PIK3AP1: variants seen among roughly 807,000 people sequenced by gnomAD.
PIK3AP1 encodes the protein phosphoinositide-3-kinase adaptor protein 1, also known as phosphoinositide 3-kinase adapter protein 1.
A neutral mutation model predicts 88.1 loss-of-function variants in PIK3AP1; 21 were observed. The observed-to-expected ratio is 0.24, with a 90% CI of 0.17 to 0.34. The LOEUF (loss-of-function observed/expected upper bound fraction) is 0.34. Among genes scored for constraint, PIK3AP1 ranks in the 10% least tolerant of loss-of-function variants. The pLI is 1.00. For missense variants in PIK3AP1, 828 were observed against 1,035.7 expected (o/e 0.80, Z 2.75); for synonymous variants, 398 against 400.0 (o/e 1.00, Z 0.06).
chr10:96,614,800 A>T (rs1849186722), intron 13 of PIK3AP1, among the ~76,000 whole-genome samples: 1 of 152,100 alleles, frequency 6.6e-6, no homozygotes, highest in South Asian at 2.1e-4. Flanking sequence ...TGACCATTCC[A>T]ACAAAGCCTT....
intron 2 of PIK3AP1, among the ~76,000 whole-genome samples, chr10:96,696,022 C>G (rs903399388): frequency 2.0e-5 from 3 of 152,114 alleles, no homozygotes; most frequent in Non-Finnish European, 4.4e-5. Context: ...GTTGACAATC[C>G]AAAGGGCATC....
At chr10:96,602,509 T>C in intron 15 of PIK3AP1, 111 bp from the exon 16 acceptor site, 1 of 897,766 alleles carries the variant, frequency 1.1e-6, no homozygotes, top group Admixed American at 2.3e-5. Context: ...GGGCTGAAGG[T>C]TGTTTGCAAA....
chr10:96,652,032 T>C (rs1310416647), intron 4 of PIK3AP1, among the ~76,000 whole-genome samples: 1 of 152,160 alleles, frequency 6.6e-6, no homozygotes, highest in Non-Finnish European at 1.5e-5. Flanking sequence ...TGAAACTGTG[T>C]TTCTGCCACA....
chr10:96,613,207 C>A (rs901661288), intron 13 of PIK3AP1, among the ~76,000 whole-genome samples: 1 of 151,654 alleles, frequency 6.6e-6, no homozygotes, highest in Admixed American at 6.6e-5. Flanking sequence ...CCATGTTGGC[C>A]AGGCTGCTCT....
intron 12 of PIK3AP1, among the ~76,000 whole-genome samples, chr10:96,618,106 A>AC (rs1843021064): frequency 6.6e-6 from 1 of 152,204 alleles, no homozygotes; most frequent in Admixed American, 6.5e-5. Flanking sequence ...AGGGAACCAA[A>AC]CAATGTGAGC....
intron 1 of PIK3AP1, among the ~76,000 whole-genome samples, chr10:96,710,543 C>A (rs1158426287): frequency 6.6e-6 from 1 of 152,120 alleles, no homozygotes; most frequent in East Asian, 1.9e-4. Context: ...TAGATCCTTG[C>A]ACGAGCTATT....
chr10:96,667,423 C>A (rs1418312892), intron 2 of PIK3AP1, among the ~76,000 whole-genome samples: 4 of 152,170 alleles, frequency 2.6e-5, no homozygotes, highest in African/African-American at 7.2e-5. Context: ...TGAGCGGTTA[C>A]AATATGCTAG....
At chr10:96,633,217 G>A in intron 8 of PIK3AP1, 1 of 794,102 alleles carries the variant, frequency 1.3e-6, no homozygotes, top group Non-Finnish European at 1.8e-6. Context: ...AGTTCCAGAT[G>A]CAATTTACCA....
chr10:96,604,478 G>A (rs1564951262), intron 14 of PIK3AP1, among the ~76,000 whole-genome samples: 1 of 148,436 alleles, frequency 6.7e-6, no homozygotes, highest in Non-Finnish European at 1.5e-5. Flanking sequence ...AATTACAAGT[G>A]TGAACCACTA....
At chr10:96,628,121 A>G (rs1843177994) in intron 9 of PIK3AP1, among the ~76,000 whole-genome samples, 1 of 152,186 alleles carries the variant, frequency 6.6e-6, no homozygotes, top group Admixed American at 6.5e-5. Flanking sequence ...ATTTTGGCCA[A>G]ATAAAAACAA....
chr10:96,626,616 C>G, intron 10 of PIK3AP1, 92 bp downstream of exon 10: 1 of 1,359,306 alleles, frequency 7.4e-7, no homozygotes. Flanking sequence ...GGGATAGTCT[C>G]TGAGCAATGG....
intron 2 of PIK3AP1, among the ~76,000 whole-genome samples, chr10:96,679,356 C>T (rs535078575): frequency 2.0e-4 from 30 of 152,060 alleles, no homozygotes; most frequent in South Asian, 1.5e-3. Flanking sequence ...GGTGAAACCC[C>T]GCCTCTACTA....
At position 96,616,625 on chromosome 10, in the gene PIK3AP1, A is replaced by T; in HGVS notation, c.2014+14T>A. 6.2e-7 allele frequency: 1 copy of T among 1,613,154 alleles called. No individual in the cohort carries two copies. The highest frequency in any genetic ancestry group is 8.5e-7 in the Non-Finnish European group (1 of 1,179,122). On this transcript the variant is annotated intron_variant, in intron 13 of 16. Transcript: ENST00000339364. ...AATGTCCCACACAATGCAGCACCCTAGGAAGCCACATACCTGTCTGCTTTC... is the reference window on the plus strand; with the variant it reads ...AATGTCCCACACAATGCAGCACCCTTGGAAGCCACATACCTGTCTGCTTTC...
intron 2 of PIK3AP1, among the ~76,000 whole-genome samples, chr10:96,696,609 C>T (rs1844224913): frequency 6.6e-6 from 1 of 152,082 alleles, no homozygotes; most frequent in South Asian, 2.1e-4. Flanking sequence ...ATATTTACCC[C>T]CATTTCCTCT....
chr10:96,694,786 G>A (rs1012056655), intron 2 of PIK3AP1, among the ~76,000 whole-genome samples: 8 of 151,906 alleles, frequency 5.3e-5, no homozygotes, highest in African/African-American at 1.2e-4. Context: ...CAATCCTCCC[G>A]CCTCAGCCTC....
intron 2 of PIK3AP1, among the ~76,000 whole-genome samples, chr10:96,703,117 A>G (rs1437175638): frequency 6.6e-6 from 1 of 152,104 alleles, no homozygotes; most frequent in East Asian, 1.9e-4. Context: ...GCCTCAAGCA[A>G]TCTGTTCCCC....
At position 96,708,300 on chromosome 10, in the gene PIK3AP1, C is replaced by CG. The variant is rs1263171847; in HGVS notation, c.430+1266dup. Among the ~76,000 whole-genome samples, 3 of 152,060 alleles carry CG rather than the reference C, an allele frequency of 2.0e-5. No homozygotes were observed. In the East Asian group the frequency reaches 5.8e-4, roughly 29 times the overall value. Reference sequence around the variant, plus strand: ...AAATAGAAAACAAAAAGAGGCTAGGCGTGGTGGCTCACGCCTGTAATCCCA... The same window carrying CG: ...AAATAGAAAACAAAAAGAGGCTAGGCGGTGGTGGCTCACGCCTGTAATCCCA... On this transcript the variant is annotated intron_variant, in intron 2 of 16. Coordinates refer to ENST00000339364, the MANE Select transcript of PIK3AP1 (RefSeq NM_152309.3).
At chr10:96,664,120 G>A (rs948805962) in intron 2 of PIK3AP1, among the ~76,000 whole-genome samples, 1 of 152,114 alleles carries the variant, frequency 6.6e-6, no homozygotes, top group African/African-American at 2.4e-5. Context: ...TCTTAAGGAG[G>A]AAAATAAAAG....
At chr10:96,646,028 G>A (rs1044823289) in intron 7 of PIK3AP1, among the ~76,000 whole-genome samples, 2 of 152,210 alleles carry the variant, frequency 1.3e-5, no homozygotes, top group African/African-American at 4.8e-5. Flanking sequence ...AGGAGGCCAA[G>A]GCAAGTGGAT....
Sources: gnomAD v4.1 joint callset for allele counts (sites outside exome capture counted in the v4.1 genomes callset) on GRCh38, gnomAD v4.1.1 for gene constraint, MANE v1.5 for transcripts, NCBI Gene and HGNC (gene_info 2026-07-23, HGNC 2026-07-21) for gene names.